Variants in HTR1E observed in about 807,000 individuals in gnomAD.
HTR1E encodes the protein 5-hydroxytryptamine receptor 1E, also known as 5-HT-1E.
A neutral mutation model predicts 3.4 loss-of-function variants in HTR1E; 3 were observed. That is an observed-to-expected ratio of 0.89 (90% CI 0.41 to 2.31). The LOEUF is 2.31. Among genes scored for constraint, HTR1E ranks in the 30% most tolerant of loss-of-function variants. The pLI is 0.05. For missense variants in HTR1E, 392 were observed against 467.0 expected (o/e 0.84, Z 1.48); for synonymous variants, 170 against 182.8 (o/e 0.93, Z 0.56).
chr6:86,964,749 T>G (rs1767452325), intron 1 of HTR1E, among the ~76,000 whole-genome samples: 1 of 152,194 alleles, frequency 6.6e-6, no homozygotes, highest in Non-Finnish European at 1.5e-5. Context: ...AATGAAAGAG[T>G]AATTACAAAT....
intron 1 of HTR1E, chr6:87,000,103 A>AG (rs1767998235): frequency 5.7e-6 from 1 of 174,510 alleles, no homozygotes; most frequent in Admixed American, 5.6e-5. Flanking sequence ...ATCAAGCCTC[A>AG]GTACTTTTTT....
intron 1 of HTR1E, among the ~76,000 whole-genome samples, chr6:86,999,257 G>A (rs1216999063): frequency 3.3e-5 from 5 of 151,966 alleles, no homozygotes; most frequent in South Asian, 2.1e-4. Flanking sequence ...CCACCATGCC[G>A]GGCCAGTTTT....
chr6:86,942,425 C>T (rs1302240594), intron 1 of HTR1E, among the ~76,000 whole-genome samples: 1 of 152,004 alleles, frequency 6.6e-6, no homozygotes, highest in Non-Finnish European at 1.5e-5. Flanking sequence ...TATTTGTTAC[C>T]TAACACAAGA....
intron 1 of HTR1E, among the ~76,000 whole-genome samples, chr6:86,964,010 A>G (rs1032944358): frequency 6.6e-6 from 1 of 152,210 alleles, no homozygotes; most frequent in Admixed American, 6.5e-5. Context: ...ACAAGCAAAA[A>G]TTACTCTACA....
intron 1 of HTR1E, among the ~76,000 whole-genome samples, chr6:87,011,828 G>A: frequency 6.6e-6 from 1 of 151,860 alleles, no homozygotes; most frequent in East Asian, 1.9e-4. Context: ...AAGTAAAAAA[G>A]GAAAAGAGAG....
At chr6:86,974,987 GT>G (rs1458527538) in intron 1 of HTR1E, among the ~76,000 whole-genome samples, 3 of 152,134 alleles carry the variant, frequency 2.0e-5, no homozygotes, top group Non-Finnish European at 4.4e-5. Context: ...CTCATCCATA[GT>G]TCTACAAGGA....
At position 87,016,475 on chromosome 6, in the gene HTR1E, G is replaced by A. The variant is rs779501653; in HGVS notation, c.*43G>A. On this transcript the variant is annotated 3_prime_UTR_variant, in exon 2 of 2. Transcript: ENST00000305344. ...GGCACGACTTTTTCCAGAGCCTCAT[G>A]AGTGGATGGGGGTAAGGGGTGCAAC... is the stretch of plus-strand genomic sequence containing the variant. 4 of 1,522,304 alleles carry A rather than the reference G, an allele frequency of 2.6e-6. No homozygotes were observed. In the East Asian group the frequency reaches 9.1e-5, roughly 35 times the overall value. The allele number at this position is 1,522,304 out of a possible 1,614,324, so 94.3% of individuals were successfully genotyped here.
chr6:86,993,313 C>T lies in HTR1E; in HGVS notation c.-185-21837C>T, dbSNP rs568498950. ...GTATAAATGTATCTCATTGCAAGCTCCTGCCTGGAGAATGGTGGGGTTTTA... is the reference window on the plus strand; with the variant it reads ...GTATAAATGTATCTCATTGCAAGCTTCTGCCTGGAGAATGGTGGGGTTTTA... On this transcript the variant is annotated intron_variant, in intron 1 of 1. Coordinates refer to ENST00000305344, the MANE Select transcript of HTR1E (RefSeq NM_000865.3). Among the ~76,000 whole-genome samples, 7 of 151,970 alleles carry T rather than the reference C, an allele frequency of 4.6e-5. No individual in the cohort carries two copies. The Middle Eastern group carries it at 0.014, about 295-fold the overall frequency.
intron 1 of HTR1E, among the ~76,000 whole-genome samples, chr6:87,000,605 A>C (rs1450522621): frequency 6.6e-6 from 1 of 152,190 alleles, no homozygotes; most frequent in African/African-American, 2.4e-5. Flanking sequence ...CATATGTAAA[A>C]TGCTGAAAGA....
chr6:86,984,662 A>C (rs1180917311), intron 1 of HTR1E, among the ~76,000 whole-genome samples: 2 of 152,200 alleles, frequency 1.3e-5, no homozygotes, highest in Non-Finnish European at 2.9e-5. Context: ...CCAACTCTGG[A>C]ACTCCTAATT....
intron 1 of HTR1E, among the ~76,000 whole-genome samples, chr6:86,989,310 G>A (rs2127827351): frequency 6.6e-6 from 1 of 152,276 alleles, no homozygotes; most frequent in East Asian, 1.9e-4. Context: ...CATATTGAAT[G>A]AAAGTGTGCA....
At chr6:86,985,154 G>A (rs75117167) in intron 1 of HTR1E, among the ~76,000 whole-genome samples, 2,835 of 152,212 alleles carry the variant, frequency 0.019, 109 homozygotes, top group East Asian at 0.15. Flanking sequence ...CGTAAACTAA[G>A]GAAATGAAGA....
At chr6:87,005,179 C>T (rs1768083037) in intron 1 of HTR1E, among the ~76,000 whole-genome samples, 2 of 152,016 alleles carry the variant, frequency 1.3e-5, no homozygotes. Context: ...CAATCTATGG[C>T]TATAAGGCAA....
At chr6:86,986,875 G>C (rs1363788119) in intron 1 of HTR1E, among the ~76,000 whole-genome samples, 2 of 152,064 alleles carry the variant, frequency 1.3e-5, no homozygotes, top group Non-Finnish European at 2.9e-5. Flanking sequence ...AAGTTCACGG[G>C]GGGTAAGAAG....
chr6:87,011,932 G>T (rs758551999), intron 1 of HTR1E, among the ~76,000 whole-genome samples: 1 of 152,144 alleles, frequency 6.6e-6, no homozygotes, highest in Non-Finnish European at 1.5e-5. Flanking sequence ...CAAAATGGAG[G>T]AACAGAAAAG....
chr6:86,966,336 A>G (rs893071689), intron 1 of HTR1E, among the ~76,000 whole-genome samples: 1 of 152,232 alleles, frequency 6.6e-6, no homozygotes, highest in Non-Finnish European at 1.5e-5. Flanking sequence ...TATTTAAATG[A>G]ACAGACTTAC....
intron 1 of HTR1E, among the ~76,000 whole-genome samples, chr6:86,972,579 A>G (rs966600749): frequency 4.6e-5 from 7 of 152,208 alleles, no homozygotes; most frequent in African/African-American, 1.4e-4. Flanking sequence ...ATGTCATTGC[A>G]GCACTATTTA....
At chr6:86,946,179 T>C (rs1236318813) in intron 1 of HTR1E, among the ~76,000 whole-genome samples, 1 of 152,234 alleles carries the variant, frequency 6.6e-6, no homozygotes, top group East Asian at 1.9e-4. Context: ...TACAGTAATG[T>C]ACTAGGCCTT....
At chr6:86,983,196 G>T (rs980252678) in intron 1 of HTR1E, among the ~76,000 whole-genome samples, 1 of 152,100 alleles carries the variant, frequency 6.6e-6, no homozygotes, top group African/African-American at 2.4e-5. Flanking sequence ...AACTTAACAT[G>T]TAACTCTTCA....
Sources: gnomAD v4.1 joint callset for allele counts (sites outside exome capture counted in the v4.1 genomes callset) on GRCh38, gnomAD v4.1.1 for gene constraint, MANE v1.5 for transcripts, NCBI Gene and HGNC (gene_info 2026-07-23, HGNC 2026-07-21) for gene names.